Variants in LRRC8C observed in about 807,000 individuals in gnomAD.
LRRC8C encodes leucine rich repeat containing 8 VRAC subunit C, also known as volume-regulated anion channel subunit LRRC8C.
A neutral mutation model predicts 55.3 loss-of-function variants in LRRC8C; 20 were observed. The ratio of observed to expected loss-of-function variants is 0.36; its 90% CI spans 0.25 to 0.53. The LOEUF (loss-of-function observed/expected upper bound fraction) is 0.53. Among genes scored for constraint, LRRC8C ranks in the 20% least tolerant of loss-of-function variants. The pLI, the probability that LRRC8C is intolerant of heterozygous loss-of-function variation, is 0.92. For missense variants in LRRC8C, 659 were observed against 951.4 expected, an observed-to-expected ratio of 0.69 and a Z score of 4.04; for synonymous variants, 376 against 360.7, an observed-to-expected ratio of 1.04 and a Z score of -0.48.
chr1:89,637,185 T>C (rs547163563), intron 1 of LRRC8C, among the ~76,000 whole-genome samples: 1 of 152,228 alleles, frequency 6.6e-6, no homozygotes, highest in South Asian at 2.1e-4. Flanking sequence ...TCCATGGTGA[T>C]ATAGTAACCT....
chr1:89,625,389 G>A, the LRRC8C span, among the ~76,000 whole-genome samples: 1 of 152,258 alleles, frequency 6.6e-6, no homozygotes, highest in Non-Finnish European at 1.5e-5. Flanking sequence ...TGGAATCCAG[G>A]TCTCATCAAT....
intron 2 of LRRC8C, among the ~76,000 whole-genome samples, chr1:89,705,073 C>T (rs1658437461): frequency 6.6e-6 from 1 of 151,804 alleles, no homozygotes. Flanking sequence ...CACATATACA[C>T]CATGGAATAC....
At chr1:89,634,546 C>T (rs1656225121) in intron 1 of LRRC8C, among the ~76,000 whole-genome samples, 1 of 152,152 alleles carries the variant, frequency 6.6e-6, no homozygotes, top group African/African-American at 2.4e-5. Flanking sequence ...CATTAAGATG[C>T]CATTTAGACG....
At chr1:89,712,151 C>T (rs780479504) in intron 2 of LRRC8C, among the ~76,000 whole-genome samples, 13 of 152,190 alleles carry the variant, frequency 8.5e-5, no homozygotes, top group Non-Finnish European at 1.5e-4. Context: ...TTGTTCTTGT[C>T]GCCCATGTTG....
chr1:89,634,079 C>G (rs540533704), intron 1 of LRRC8C, among the ~76,000 whole-genome samples: 1 of 152,328 alleles, frequency 6.6e-6, no homozygotes, highest in South Asian at 2.1e-4. Flanking sequence ...TTCTTCCCTC[C>G]CCAACCCCCA....
At chr1:89,668,942 G>A (rs1657343366) in intron 1 of LRRC8C, among the ~76,000 whole-genome samples, 1 of 151,860 alleles carries the variant, frequency 6.6e-6, no homozygotes, top group African/African-American at 2.4e-5. Flanking sequence ...ATTTTAGTGT[G>A]GTACCTCAAA....
Position 89,712,737 on chromosome 1 carries a change from C to T in LRRC8C, c.167C>T (p.Pro56Leu), listed in dbSNP as rs1489744927. ...QVMQDKIICL[P>L]KRVQPAQNHS... ...ATGCAAGACAAGATAATCTGCCTTC[C>T]GAAAAGAGTGCAGCCTGCTCAGAAC... The change falls in exon 3 of 3, where the codon CCG becomes CTG. Residue 56 changes from proline to leucine, a missense_variant. Physicochemically the swap from Pro to Leu is moderately conservative, Grantham distance 98. Around this residue, in one of 5 missense-constraint regions of LRRC8C, gnomAD observed 82 missense variants for 71.4 expected, o/e 1.15. Coordinates refer to ENST00000370454, the MANE Select transcript of LRRC8C (RefSeq NM_032270.5). 4 of 1,613,818 alleles carry T rather than the reference C, an allele frequency of 2.5e-6. No homozygotes were observed. The highest frequency in any genetic ancestry group is 3.4e-6 in the Non-Finnish European group (4 of 1,179,916).
intron 2 of LRRC8C, among the ~76,000 whole-genome samples, chr1:89,712,108 G>A (rs1197186564): frequency 6.6e-6 from 1 of 152,118 alleles, no homozygotes; most frequent in South Asian, 2.1e-4. Context: ...AATCCAGTGA[G>A]AGAATTGATA....
At chr1:89,628,155 A>C (rs1477488619), upstream of LRRC8C, among the ~76,000 whole-genome samples, 1 of 152,184 alleles carries the variant, frequency 6.6e-6, no homozygotes, top group Non-Finnish European at 1.5e-5. Context: ...AAAATAAATA[A>C]GGTTTGTTTT....
chr1:89,660,066 C>A (rs534793839), intron 1 of LRRC8C, among the ~76,000 whole-genome samples: 2 of 152,160 alleles, frequency 1.3e-5, no homozygotes, highest in African/African-American at 2.4e-5. Flanking sequence ...ATTATCCAAG[C>A]AGCGTGCTCT....
chr1:89,698,462 T>G (rs754894703), intron 2 of LRRC8C, among the ~76,000 whole-genome samples: 1 of 152,192 alleles, frequency 6.6e-6, no homozygotes, highest in Non-Finnish European at 1.5e-5. Flanking sequence ...TTCTGTATAA[T>G]GATTTAAGAT....
chr1:89,646,857 C>T (rs1364179285), intron 1 of LRRC8C, among the ~76,000 whole-genome samples: 3 of 151,970 alleles, frequency 2.0e-5, no homozygotes, highest in African/African-American at 7.2e-5. Context: ...TCTAAGGAAT[C>T]TACAAAGCAA....
At chr1:89,664,479 C>T (rs1657203131) in intron 1 of LRRC8C, among the ~76,000 whole-genome samples, 1 of 152,128 alleles carries the variant, frequency 6.6e-6, no homozygotes, top group Non-Finnish European at 1.5e-5. Context: ...TCTGAGGCCT[C>T]TATTCTGTTC....
intron 2 of LRRC8C, among the ~76,000 whole-genome samples, chr1:89,701,059 A>C (rs1256134651): frequency 2.0e-5 from 3 of 152,204 alleles, no homozygotes; most frequent in Non-Finnish European, 4.4e-5. Flanking sequence ...AGGCAGGAGG[A>C]TCACTTGAGC....
intron 1 of LRRC8C, among the ~76,000 whole-genome samples, chr1:89,669,735 A>T (rs1657365792): frequency 6.6e-6 from 1 of 152,194 alleles, no homozygotes; most frequent in South Asian, 2.1e-4. Flanking sequence ...CTTCAGTGCC[A>T]TGCTCCCAAC....
chr1:89,656,951 T>G (rs1656960696), intron 1 of LRRC8C, among the ~76,000 whole-genome samples: 1 of 152,032 alleles, frequency 6.6e-6, no homozygotes, highest in Non-Finnish European at 1.5e-5. Flanking sequence ...TATCCAAGTG[T>G]GCATGATTCA....
At chr1:89,647,996 G>A (rs1010783525) in intron 1 of LRRC8C, among the ~76,000 whole-genome samples, 1 of 152,172 alleles carries the variant, frequency 6.6e-6, no homozygotes, top group Non-Finnish European at 1.5e-5. Context: ...TTGAGCCCAG[G>A]AGACTGAGGC....
Position 89,713,791 on chromosome 1 carries a change from C to T in LRRC8C, c.1221C>T (p.Asn407=), listed in dbSNP as rs192641824. ...ENKLKQLNLN[N]EWTPDKLRQK... Reference sequence around the variant, plus strand: ...AATTAAAGCAGCTGAACTTAAATAACGAATGGACTCCTGATAAACTGAGGC... The same window carrying T: ...AATTAAAGCAGCTGAACTTAAATAATGAATGGACTCCTGATAAACTGAGGC... The change falls in exon 3 of 3, where the codon AAC becomes AAT. Residue 407 remains asparagine (N), a synonymous_variant. Transcript: ENST00000370454. The surrounding 1 kb of genome is among the most constrained non-coding windows in gnomAD (Gnocchi z 5.2). 80 of 1,614,182 alleles carry T rather than the reference C, an allele frequency of 5.0e-5. No individual in the cohort carries two copies. In the East Asian group the frequency reaches 1.2e-3, roughly 23 times the overall value.
At chr1:89,638,340 T>C (rs1286102753) in intron 1 of LRRC8C, among the ~76,000 whole-genome samples, 1 of 152,210 alleles carries the variant, frequency 6.6e-6, no homozygotes, top group Non-Finnish European at 1.5e-5. Context: ...TCTGTGAACC[T>C]TTTTTCCATA....
Sources: allele counts gnomAD v4.1 joint callset (sites outside exome capture counted in the v4.1 genomes callset), GRCh38; gene constraint gnomAD v4.1.1; regional missense constraint gnomAD v4.1.1; non-coding constraint Gnocchi (gnomAD v3.1); transcripts MANE v1.5; gene names NCBI Gene and HGNC (gene_info 2026-07-23, HGNC 2026-07-21).